Variants in CDKAL1 observed in about 807,000 individuals in gnomAD.
CDKAL1 encodes CDKAL1 threonylcarbamoyladenosine tRNA methylthiotransferase.
CDKAL1 carries 32 observed loss-of-function variants against 68.2 expected under a neutral mutation model. That is an observed-to-expected ratio of 0.47 (90% CI 0.35 to 0.63). CDKAL1 has a LOEUF of 0.63. Among genes scored for constraint, CDKAL1 ranks in the 30% least tolerant of loss-of-function variants. The pLI is 0.00. For synonymous variants in CDKAL1, 234 were observed against 244.3 expected (o/e 0.96, Z 0.39); for missense variants, 606 against 696.7 (o/e 0.87, Z 1.47).
At chr6:20,962,262 A>G (rs1561919391) in intron 10 of CDKAL1, among the ~76,000 whole-genome samples, 1 of 152,232 alleles carries the variant, frequency 6.6e-6, no homozygotes, top group Admixed American at 6.5e-5. Flanking sequence ...ATTTATAGCT[A>G]GTATACTTAT....
chr6:20,955,683 C>T lies in CDKAL1; in HGVS notation c.909+98C>T, dbSNP rs905275321. 2.8e-5 allele frequency: 28 copies of T among 1,018,008 alleles called. No homozygotes were observed. In the African/African-American group the frequency reaches 4.4e-4, roughly 16 times the overall value. 63.1% of individuals were successfully genotyped at this position (1,018,008 alleles called of 1,614,324 possible). On this transcript the variant is annotated intron_variant, in intron 10 of 15. Coordinates refer to ENST00000274695, the MANE Select transcript of CDKAL1 (RefSeq NM_017774.3). The stretch of plus-strand genomic sequence containing the variant: ...CATCACATCAGCTTCATTTAAAACT[C>T]CTTCACATTTTTTTTTTGTAGTCCC...
intron 8 of CDKAL1, among the ~76,000 whole-genome samples, chr6:20,819,377 G>A (rs1777180792): frequency 6.6e-6 from 1 of 152,112 alleles, no homozygotes; most frequent in African/African-American, 2.4e-5. Context: ...TGCTAAGGGT[G>A]CCTTAAAGAT....
chr6:21,089,195 G>A (rs1334754966), intron 12 of CDKAL1, among the ~76,000 whole-genome samples: 1 of 152,136 alleles, frequency 6.6e-6, no homozygotes, highest in Non-Finnish European at 1.5e-5. Context: ...TTACAGATAG[G>A]ACGGGTGTGG....
chr6:21,011,803 G>A (rs957918934), intron 11 of CDKAL1, among the ~76,000 whole-genome samples: 2 of 152,002 alleles, frequency 1.3e-5, no homozygotes, highest in Non-Finnish European at 2.9e-5. Context: ...CATTTTATCC[G>A]TGATATCATT....
chr6:21,180,344 CTT>C (rs34495587), intron 13 of CDKAL1, among the ~76,000 whole-genome samples: 36 of 140,722 alleles, frequency 2.6e-4, no homozygotes, highest in Admixed American at 4.9e-4. Context: ...CTTTAAGTTT[CTT>C]TTTTTTTTTT....
chr6:20,638,177 T>A (rs984869236), intron 4 of CDKAL1, among the ~76,000 whole-genome samples: 6 of 152,236 alleles, frequency 3.9e-5, no homozygotes, highest in African/African-American at 1.4e-4. Flanking sequence ...AAGAGTACTG[T>A]TTTCTCACAG....
At chr6:21,102,519 ACT>A (rs1445357587) in intron 12 of CDKAL1, among the ~76,000 whole-genome samples, 2 of 151,122 alleles carry the variant, frequency 1.3e-5, no homozygotes, top group Non-Finnish European at 2.9e-5. Context: ...TCTCTGCGTG[ACT>A]CTCCCAGTTC....
intron 11 of CDKAL1, among the ~76,000 whole-genome samples, chr6:21,054,550 C>G (rs759075252): frequency 1.3e-5 from 2 of 152,056 alleles, no homozygotes; most frequent in Non-Finnish European, 2.9e-5. Context: ...AGAGGCTTGC[C>G]ATCTTAACAA....
intron 9 of CDKAL1, among the ~76,000 whole-genome samples, chr6:20,876,486 G>A (rs1282739289): frequency 6.6e-6 from 1 of 152,138 alleles, no homozygotes; most frequent in East Asian, 1.9e-4. Flanking sequence ...CATATTTTAG[G>A]CAAAATGACA....
At chr6:20,650,647 G>T (rs187970426) in intron 5 of CDKAL1, among the ~76,000 whole-genome samples, 79 of 152,232 alleles carry the variant, frequency 5.2e-4, no homozygotes, top group East Asian at 2.3e-3. Flanking sequence ...GTCCTGAATG[G>T]TATTGCCTAG....
At chr6:20,586,201 AG>A (rs1387938061) in intron 4 of CDKAL1, among the ~76,000 whole-genome samples, 1 of 152,208 alleles carries the variant, frequency 6.6e-6, no homozygotes, top group Non-Finnish European at 1.5e-5. Flanking sequence ...GGATTATAAT[AG>A]TTACCTGTTT....
intron 11 of CDKAL1, among the ~76,000 whole-genome samples, chr6:21,033,904 A>G (rs1486164985): frequency 6.6e-6 from 1 of 152,202 alleles, no homozygotes; most frequent in Non-Finnish European, 1.5e-5. Flanking sequence ...TGATGAAATC[A>G]TAATTTCATC....
intron 9 of CDKAL1, among the ~76,000 whole-genome samples, chr6:20,954,146 T>C (rs1240491952): frequency 6.6e-6 from 1 of 152,196 alleles, no homozygotes; most frequent in African/African-American, 2.4e-5. Flanking sequence ...ATATTTCTTA[T>C]GCTAAAGGAA....
intron 5 of CDKAL1, among the ~76,000 whole-genome samples, chr6:20,709,058 G>A (rs1340672877): frequency 1.3e-5 from 2 of 152,172 alleles, no homozygotes; most frequent in South Asian, 2.1e-4. Flanking sequence ...TCCAAGGGCA[G>A]GGGTTCTCTT....
intron 9 of CDKAL1, among the ~76,000 whole-genome samples, chr6:20,857,242 T>C (rs1759383960): frequency 6.6e-6 from 1 of 152,220 alleles, no homozygotes; most frequent in Non-Finnish European, 1.5e-5. Flanking sequence ...AAATACGTCC[T>C]CTTAGTTAAT....
At chr6:20,855,755 C>T (rs1264316526) in intron 9 of CDKAL1, among the ~76,000 whole-genome samples, 4 of 152,068 alleles carry the variant, frequency 2.6e-5, no homozygotes, top group Non-Finnish European at 4.4e-5. Flanking sequence ...GTGTATGTTT[C>T]ATATTGTATA....
chr6:20,688,802 C>T (rs57280115), intron 5 of CDKAL1, among the ~76,000 whole-genome samples: 11,409 of 152,154 alleles, frequency 0.075, 1,370 homozygotes, highest in African/African-American at 0.25. Flanking sequence ...TTTAGTACAC[C>T]TTGCACTTTT....
chr6:20,740,535 T>G (rs1274032103), intron 6 of CDKAL1, among the ~76,000 whole-genome samples: 1 of 152,176 alleles, frequency 6.6e-6, no homozygotes, highest in Non-Finnish European at 1.5e-5. Context: ...CAATGTTGTT[T>G]GTTTAAAAAG....
At chr6:20,649,267 C>T in intron 4 of CDKAL1, 26 bp from the exon 5 acceptor site, 1 of 1,512,472 alleles carries the variant, frequency 6.6e-7, no homozygotes, top group Non-Finnish European at 9.1e-7. Context: ...CTACTTACTT[C>T]TTTTTTGTGT....
Sources: gnomAD v4.1 joint callset for allele counts (sites outside exome capture counted in the v4.1 genomes callset) on GRCh38, gnomAD v4.1.1 for gene constraint, MANE v1.5 for transcripts, NCBI Gene and HGNC (gene_info 2026-07-23, HGNC 2026-07-21) for gene names.